Variants in GPC6 observed in about 807,000 individuals in gnomAD.
The protein encoded by GPC6 is glypican-6.
GPC6 carries 14 observed loss-of-function variants against 55.2 expected under a neutral mutation model. That is an observed-to-expected ratio of 0.25 (90% CI 0.17 to 0.40). The LOEUF (loss-of-function observed/expected upper bound fraction) is 0.40. GPC6 is among the 10% of genes least tolerant of loss of function. The pLI is 1.00. For missense variants in GPC6, 641 were observed against 708.5 expected (o/e 0.90, Z 1.08); for synonymous variants, 278 against 259.6 (o/e 1.07, Z -0.68).
At chr13:93,757,503 T>C (rs1933781) in intron 2 of GPC6, among the ~76,000 whole-genome samples, 145,954 of 152,214 alleles carry the variant, frequency 0.96, 70,017 homozygotes, top group African/African-American at 0.99. Context: ...TGAGAAGCAG[T>C]GGACACTTCT....
intron 3 of GPC6, among the ~76,000 whole-genome samples, chr13:93,900,528 A>G (rs1018764003): frequency 2.0e-5 from 3 of 152,170 alleles, no homozygotes; most frequent in Non-Finnish European, 4.4e-5. Flanking sequence ...ACTCTTACAT[A>G]AAGAAATCAC....
intron 1 of GPC6, among the ~76,000 whole-genome samples, chr13:93,486,171 G>A (rs183350595): frequency 1.6e-4 from 25 of 152,332 alleles, no homozygotes; most frequent in Admixed American, 9.1e-4. Context: ...TCTGTGGGAT[G>A]TGTCAATAAT....
intron 4 of GPC6, among the ~76,000 whole-genome samples, chr13:94,057,600 G>T (rs1884174978): frequency 6.6e-6 from 1 of 152,110 alleles, no homozygotes; most frequent in African/African-American, 2.4e-5. Context: ...TAAAAGAGAG[G>T]AAATACCTTC....
chr13:94,398,422 CT>C, intron 7 of GPC6, 43 bp from the exon 8 acceptor site: 1 of 1,438,298 alleles, frequency 7.0e-7, no homozygotes, highest in Non-Finnish European at 9.8e-7. Flanking sequence ...TTTACAGTTT[CT>C]GTGGCATCTC....
chr13:94,401,356 A>T (rs1448590532), intron 8 of GPC6, among the ~76,000 whole-genome samples: 1 of 152,184 alleles, frequency 6.6e-6, no homozygotes, highest in East Asian at 1.9e-4. Context: ...AGCGGTGAAA[A>T]GTACTTTCAT....
chr13:94,344,177 A>T (rs985863536), intron 6 of GPC6, among the ~76,000 whole-genome samples: 2 of 152,248 alleles, frequency 1.3e-5, no homozygotes, highest in African/African-American at 2.4e-5. Flanking sequence ...CAAAAAGAAA[A>T]AAATCAACAA....
intron 1 of GPC6, among the ~76,000 whole-genome samples, chr13:93,457,743 C>G (rs573901186): frequency 2.6e-5 from 4 of 151,956 alleles, no homozygotes; most frequent in African/African-American, 9.7e-5. Context: ...AGTAGAGAAA[C>G]GCAGTTCATC....
At chr13:93,853,861 A>T (rs1888507050) in intron 3 of GPC6, among the ~76,000 whole-genome samples, 1 of 151,718 alleles carries the variant, frequency 6.6e-6, no homozygotes, top group Admixed American at 6.6e-5. Flanking sequence ...ATATATGAAC[A>T]CTATTAAAAT....
At chr13:94,218,228 G>A (rs993925765) in intron 4 of GPC6, among the ~76,000 whole-genome samples, 1 of 152,132 alleles carries the variant, frequency 6.6e-6, no homozygotes, top group African/African-American at 2.4e-5. Flanking sequence ...TGTAAAATGG[G>A]AGAAGTTAAG....
At chr13:93,776,052 T>A (rs1885454931) in intron 2 of GPC6, among the ~76,000 whole-genome samples, 1 of 150,162 alleles carries the variant, frequency 6.7e-6, no homozygotes, top group Admixed American at 6.7e-5. Context: ...TTTTTTTCTT[T>A]GTTTCTTTCT....
chr13:94,182,201 AT>A (rs34280963), intron 4 of GPC6, among the ~76,000 whole-genome samples: 2,326 of 148,014 alleles, frequency 0.016, 53 homozygotes, highest in African/African-American at 0.052. Flanking sequence ...TAGGTCTCAG[AT>A]TTTTTTTTTT....
At chr13:93,461,247 A>C (rs931525192) in intron 1 of GPC6, among the ~76,000 whole-genome samples, 1 of 152,158 alleles carries the variant, frequency 6.6e-6, no homozygotes, top group African/African-American at 2.4e-5. Flanking sequence ...TGCTACTAAA[A>C]AATTTCAAGT....
chr13:93,425,525 AT>A (rs1377729714), intron 1 of GPC6, among the ~76,000 whole-genome samples: 1 of 152,180 alleles, frequency 6.6e-6, no homozygotes, highest in African/African-American at 2.4e-5. Flanking sequence ...CAAACAGTCA[AT>A]TCCAGGACAC....
intron 1 of GPC6, among the ~76,000 whole-genome samples, chr13:93,387,879 A>G (rs1381216120): frequency 6.6e-6 from 1 of 152,130 alleles, no homozygotes; most frequent in Non-Finnish European, 1.5e-5. Flanking sequence ...TTTGCCTTTT[A>G]TGTATTTGTA....
chr13:94,154,463 T>G (rs1887856369), intron 4 of GPC6: 1 of 152,138 alleles, frequency 6.6e-6, no homozygotes, highest in South Asian at 2.1e-4. Context: ...AAGCCTGGAG[T>G]GCTGACCTCT....
At chr13:93,598,514 G>A (rs1223695821) in intron 2 of GPC6, among the ~76,000 whole-genome samples, 1 of 152,134 alleles carries the variant, frequency 6.6e-6, no homozygotes, top group Non-Finnish European at 1.5e-5. Context: ...TGTCACATTT[G>A]ATCATTCAGT....
At chr13:93,748,401 C>G (rs923322013) in intron 2 of GPC6, among the ~76,000 whole-genome samples, 11 of 150,846 alleles carry the variant, frequency 7.3e-5, no homozygotes, top group African/African-American at 2.7e-4. Flanking sequence ...TTTTTTTTTG[C>G]TTTTTTTATT....
At chr13:93,957,971 T>C (rs1879582169) in intron 3 of GPC6, among the ~76,000 whole-genome samples, 2 of 152,214 alleles carry the variant, frequency 1.3e-5, no homozygotes, top group Admixed American at 1.3e-4. Context: ...TTAGTGATGA[T>C]GACCATTTTT....
At chr13:93,691,220 T>C (rs921548814) in intron 2 of GPC6, among the ~76,000 whole-genome samples, 1 of 152,116 alleles carries the variant, frequency 6.6e-6, no homozygotes, top group Non-Finnish European at 1.5e-5. Flanking sequence ...TTCTCCAGCC[T>C]CCTTTCTCTA....
Sources: gnomAD v4.1 joint callset for allele counts (sites outside exome capture counted in the v4.1 genomes callset) on GRCh38, gnomAD v4.1.1 for gene constraint, MANE v1.5 for transcripts, NCBI Gene and HGNC (gene_info 2026-07-23, HGNC 2026-07-21) for gene names.